Variants in ADAMTSL1 observed in about 807,000 individuals in gnomAD.
ADAMTSL1 encodes the protein ADAMTS-like protein 1.
In ADAMTSL1, 126 loss-of-function variants were observed where a neutral mutation model predicts 201.8. The ratio of observed to expected loss-of-function variants is 0.62; its 90% confidence interval spans 0.54 to 0.72. The LOEUF (loss-of-function observed/expected upper bound fraction) is 0.72, where lower values mean the gene tolerates loss of function less well. Ranked by LOEUF, ADAMTSL1 falls within the 30% of genes least tolerant of loss-of-function variation. The pLI is 0.00. For missense variants in ADAMTSL1, 2,679 were observed against 2,277.8 expected (o/e 1.18, Z -3.59); for synonymous variants, 1,121 against 903.4 (o/e 1.24, Z -4.32).
intron 2 of ADAMTSL1, among the ~76,000 whole-genome samples, chr9:18,519,605 A>G (rs1463578327): frequency 6.6e-6 from 1 of 152,220 alleles, no homozygotes; most frequent in Non-Finnish European, 1.5e-5. Flanking sequence ...GTAAATAATA[A>G]CTTTGATAAG....
intron 16 of ADAMTSL1, among the ~76,000 whole-genome samples, chr9:18,754,194 G>C (rs1374786166): frequency 6.6e-6 from 1 of 152,116 alleles, no homozygotes; most frequent in Non-Finnish European, 1.5e-5. Flanking sequence ...TGAACATATG[G>C]CTCATAAAAT....
At chr9:18,150,492 T>A (rs1049515720) in intron 1 of ADAMTSL1, among the ~76,000 whole-genome samples, 1 of 152,064 alleles carries the variant, frequency 6.6e-6, no homozygotes, top group African/African-American at 2.4e-5. Context: ...AAAGTCAGAG[T>A]TTCTGTTTGC....
chr9:18,638,958 G>A (rs773130171), intron 6 of ADAMTSL1, among the ~76,000 whole-genome samples: 1 of 152,070 alleles, frequency 6.6e-6, no homozygotes, highest in Non-Finnish European at 1.5e-5. Context: ...AAAGGAATAG[G>A]GTTGCAGTAA....
chr9:18,518,067 C>T (rs539630698), intron 2 of ADAMTSL1, among the ~76,000 whole-genome samples: 11 of 152,240 alleles, frequency 7.2e-5, no homozygotes, highest in African/African-American at 2.4e-4. Context: ...ACTAACAGTA[C>T]ACCAAGCATG....
chr9:18,859,594 C>T (rs910843277), intron 23 of ADAMTSL1, among the ~76,000 whole-genome samples: 4 of 152,018 alleles, frequency 2.6e-5, no homozygotes, highest in Non-Finnish European at 4.4e-5. Flanking sequence ...TTGCCCAAAA[C>T]GTAAATTAGG....
At chr9:18,503,611 T>C (rs1435329354) in intron 1 of ADAMTSL1, among the ~76,000 whole-genome samples, 1 of 152,012 alleles carries the variant, frequency 6.6e-6, no homozygotes, top group Admixed American at 6.6e-5. Flanking sequence ...GCATATGAGA[T>C]TGTGTAGGTG....
chr9:18,829,758 A>G (rs1186879733), intron 22 of ADAMTSL1, 85 bp from the exon 23 acceptor site: 1 of 1,520,582 alleles, frequency 6.6e-7, no homozygotes, highest in African/African-American at 1.4e-5. Flanking sequence ...ATACATGTGC[A>G]CACACATGCA....
intron 2 of ADAMTSL1, among the ~76,000 whole-genome samples, chr9:18,388,129 C>T (rs146061021): frequency 1.3e-5 from 2 of 151,918 alleles, no homozygotes; most frequent in East Asian, 3.9e-4. Flanking sequence ...ATATTTTGAA[C>T]CTTTTTATGT....
intron 3 of ADAMTSL1, among the ~76,000 whole-genome samples, chr9:18,538,937 C>T (rs1357056355): frequency 6.6e-6 from 1 of 152,108 alleles, no homozygotes; most frequent in Non-Finnish European, 1.5e-5. Flanking sequence ...AACATTCAGA[C>T]CAGAGAAATA....
At chr9:18,834,739 G>A (rs11792529) in intron 23 of ADAMTSL1, among the ~76,000 whole-genome samples, 13,174 of 152,022 alleles carry the variant, frequency 0.087, 797 homozygotes, top group East Asian at 0.21. Context: ...AATGCCTTTG[G>A]GATATTTTAT....
At chr9:18,085,848 G>A (rs1823745953) in intron 1 of ADAMTSL1, among the ~76,000 whole-genome samples, 1 of 151,744 alleles carries the variant, frequency 6.6e-6, no homozygotes. Flanking sequence ...GCTGCTGTTT[G>A]GAGAAGTGAC....
At chr9:18,656,213 T>G (rs965625051) in intron 7 of ADAMTSL1, among the ~76,000 whole-genome samples, 3 of 151,844 alleles carry the variant, frequency 2.0e-5, no homozygotes, top group Non-Finnish European at 4.4e-5. Context: ...ATATTCTTAT[T>G]TTCCCCCTGC....
intron 5 of ADAMTSL1, among the ~76,000 whole-genome samples, chr9:18,633,301 C>G (rs191889034): frequency 1.3e-5 from 2 of 152,252 alleles, no homozygotes; most frequent in African/African-American, 4.8e-5. Flanking sequence ...GCTCTGTAGG[C>G]CCAGTCTCGG....
intron 4 of ADAMTSL1, among the ~76,000 whole-genome samples, chr9:18,594,098 AG>A (rs1824100746): frequency 6.6e-6 from 1 of 151,844 alleles, no homozygotes; most frequent in Non-Finnish European, 1.5e-5. Flanking sequence ...AAAAGTCTTT[AG>A]TTCTCTTTCA....
At chr9:17,908,843 G>A (rs559125509) in intron 1 of ADAMTSL1, among the ~76,000 whole-genome samples, 95 of 152,260 alleles carry the variant, frequency 6.2e-4, no homozygotes, top group Admixed American at 5.6e-3. Context: ...CCCAGTAATG[G>A]GATGGCTGGG....
At chr9:18,337,970 G>T (rs1485812901) in intron 2 of ADAMTSL1, among the ~76,000 whole-genome samples, 1 of 152,132 alleles carries the variant, frequency 6.6e-6, no homozygotes. Context: ...GTCAAGCCCG[G>T]CTTGGTTACA....
upstream of ADAMTSL1, among the ~76,000 whole-genome samples, chr9:18,471,382 T>A (rs1357018883): frequency 6.6e-6 from 1 of 152,224 alleles, no homozygotes. Flanking sequence ...TCAAGTCACT[T>A]AACTTCTCTG....
chr9:18,629,886 T>C lies in ADAMTSL1; in HGVS notation c.602-6057T>C, dbSNP rs879595102. Among the ~76,000 whole-genome samples the C allele has an allele frequency of 2.6e-5, 4 of 152,202 alleles. No individual in the cohort carries two copies. The East Asian group carries it at 5.8e-4, about 22-fold the overall frequency. ...GGATCTGGAGATTTATTTTTCAGTA[T>C]GTAACCTTATGAACTTATGGAACAC... is the stretch of plus-strand genomic sequence containing the variant. On this transcript the variant is annotated intron_variant, in intron 5 of 28. Coordinates refer to ENST00000380548, the MANE Select transcript of ADAMTSL1 (RefSeq NM_001040272.6).
rs117353704 is a variant in ADAMTSL1, at chr9:18,121,381, G to T, written c.88-42481G>T. Among the ~76,000 whole-genome samples the T allele has an allele frequency of 4.3e-4, 65 of 152,268 alleles. 1 individual carries two copies. In the East Asian group the frequency reaches 0.011, roughly 25 times the overall value. ...GTATTAATGAATCTGTATTGGTCTT[G>T]TTGGCACTGAGATTGAAATACCCAC... On this transcript the variant is annotated intron_variant, in intron 1 of 29. Coordinates refer to the ADAMTSL1 transcript ENST00000680146.
Sources: gnomAD v4.1 joint callset for allele counts (sites outside exome capture counted in the v4.1 genomes callset) on GRCh38, gnomAD v4.1.1 for gene constraint, MANE v1.5 for transcripts, NCBI Gene and HGNC (gene_info 2026-07-23, HGNC 2026-07-21) for gene names.